The following OSBPL9 variants were observed in gnomAD, a reference collection of about 807,000 sequenced individuals.
OSBPL9 encodes the protein oxysterol-binding protein-related protein 9.
OSBPL9 carries 40 observed loss-of-function variants against 106.6 expected under a neutral mutation model. That is an observed-to-expected ratio of 0.38 (90% CI 0.29 to 0.49). OSBPL9 has a LOEUF of 0.49. OSBPL9 is among the 20% of genes least tolerant of loss of function. The probability of loss-of-function intolerance (pLI) is 0.97; values close to 1 mark genes in which losing one functional copy is unlikely to be tolerated. For synonymous variants in OSBPL9, 269 were observed against 295.4 expected, an observed-to-expected ratio of 0.91 and a Z score of 0.92; for missense variants, 609 against 887.2, an observed-to-expected ratio of 0.69 and a Z score of 3.98.
At chr1:51,610,533 A>G (rs912575833) in intron 2 of OSBPL9, among the ~76,000 whole-genome samples, 1 of 152,224 alleles carries the variant, frequency 6.6e-6, no homozygotes, top group African/African-American at 2.4e-5. Context: ...ATGGGCTGCT[A>G]TGCCCCAGGC....
At chr1:51,773,026 G>A (rs1165284859) in intron 14 of OSBPL9, among the ~76,000 whole-genome samples, 6 of 152,090 alleles carry the variant, frequency 3.9e-5, no homozygotes, top group African/African-American at 9.7e-5. Context: ...AACCACGCAC[G>A]GTCTTCAGTG....
chr1:51,530,170 C>CAAAAAAAAAAAAAAAAA, the OSBPL9 span, among the ~76,000 whole-genome samples: 38 of 11,024 alleles, frequency 3.4e-3, 4 homozygotes, highest in South Asian at 6.8e-3. Flanking sequence ...GACTCTGTCT[C>CAAAAAAAAAAAAAAAAA]AAAAAAAAAA....
chr1:51,763,687 GA>G (rs1003134192), intron 11 of OSBPL9, among the ~76,000 whole-genome samples: 22 of 151,884 alleles, frequency 1.4e-4, no homozygotes, highest in Non-Finnish European at 2.5e-4. Context: ...AATTTTGAAA[GA>G]AAAAAAATAG....
At chr1:51,738,217 A>G (rs1571433572) in intron 4 of OSBPL9, among the ~76,000 whole-genome samples, 1 of 152,094 alleles carries the variant, frequency 6.6e-6, no homozygotes, top group African/African-American at 2.4e-5. Flanking sequence ...GTTTTGTTCT[A>G]TAAGTCAAAG....
At chr1:51,677,497 G>A (rs1001144679) in intron 3 of OSBPL9, among the ~76,000 whole-genome samples, 2 of 152,064 alleles carry the variant, frequency 1.3e-5, no homozygotes, top group South Asian at 2.1e-4. Flanking sequence ...GGGTATGTAT[G>A]TGATTAGTTT....
At chr1:51,695,965 G>T (rs945713927) in intron 3 of OSBPL9, among the ~76,000 whole-genome samples, 1 of 152,200 alleles carries the variant, frequency 6.6e-6, no homozygotes, top group African/African-American at 2.4e-5. Flanking sequence ...CAATCTAACA[G>T]AATGTAGTGG....
At chr1:51,616,921 C>A, upstream of OSBPL9, 1 of 1,004,058 alleles carries the variant, frequency 1.0e-6, no homozygotes, top group Non-Finnish European at 1.4e-6. Flanking sequence ...TTCTCGCATC[C>A]GTGGCATGGA....
the OSBPL9 span, among the ~76,000 whole-genome samples, chr1:51,554,781 A>G: frequency 6.6e-6 from 1 of 152,228 alleles, no homozygotes; most frequent in Non-Finnish European, 1.5e-5. Context: ...CATTTGTAAG[A>G]AGGAAATTGT....
intron 1 of OSBPL9, among the ~76,000 whole-genome samples, chr1:51,641,730 G>C (rs1645804789): frequency 6.6e-6 from 1 of 152,114 alleles, no homozygotes; most frequent in South Asian, 2.1e-4. Context: ...CAACTATTTT[G>C]ATAATGTAAC....
rs1477052971 is a variant in OSBPL9, at chr1:51,760,860, A to T, written c.673+80A>T. ...GGCTGTCATAGCAGTCTTAGCTATT[A>T]CTGTTTATTTTTGATTTTCCTTGTT... On this transcript the variant is annotated intron_variant, in intron 10 of 23. Coordinates refer to ENST00000428468, the MANE Select transcript of OSBPL9 (RefSeq NM_024586.6). The T allele has an allele frequency of 2.8e-6, 4 of 1,449,118 alleles. No individual in the cohort carries two copies. The African/African-American group carries it at 5.7e-5, about 21-fold the overall frequency. 89.8% of individuals were successfully genotyped at this position (1,449,118 alleles called of 1,614,324 possible).
In OSBPL9 at chr1:51,734,244, G is replaced by C. The variant is rs116090876; in HGVS notation, c.319-11292G>C. On this transcript the variant is annotated intron_variant, in intron 4 of 23. Transcript: ENST00000428468. ...CCTTTAGGAACTTGGCTTCTTTGCT[G>C]TATTGACTGAACAACTCGTTTTTCC... Among the ~76,000 whole-genome samples the C allele has an allele frequency of 5.7e-3, 873 of 152,278 alleles. 2 individuals carry two copies. The highest frequency in any genetic ancestry group is 0.02 in the African/African-American group (828 of 41,564).
At chr1:51,519,210 A>G in the OSBPL9 span, 1 of 1,382,494 alleles carries the variant, frequency 7.2e-7, no homozygotes, top group Non-Finnish European at 9.5e-7. Flanking sequence ...TGTGTCAGAG[A>G]GAGCTGGGCC....
chr1:51,619,971 T>C (rs1644326433), intron 1 of OSBPL9, among the ~76,000 whole-genome samples: 1 of 152,182 alleles, frequency 6.6e-6, no homozygotes, highest in Admixed American at 6.5e-5. Flanking sequence ...TGGTTGTTAA[T>C]ATATTCTAGG....
chr1:51,747,944 C>T (rs1210258934), intron 6 of OSBPL9, among the ~76,000 whole-genome samples: 1 of 152,032 alleles, frequency 6.6e-6, no homozygotes, highest in Non-Finnish European at 1.5e-5. Flanking sequence ...TGCCTGCCAC[C>T]ACGCCCAGCT....
intron 4 of OSBPL9, among the ~76,000 whole-genome samples, chr1:51,715,210 AG>A (rs1200745896): frequency 6.6e-6 from 1 of 152,214 alleles, no homozygotes; most frequent in African/African-American, 2.4e-5. Flanking sequence ...TATTCAGTAG[AG>A]GCTTAAAAAA....
At chr1:51,738,579 G>T (rs1666211786) in intron 4 of OSBPL9, among the ~76,000 whole-genome samples, 1 of 151,854 alleles carries the variant, frequency 6.6e-6, no homozygotes. Context: ...TCTCATATTG[G>T]AATATTTTTC....
chr1:51,543,119 A>G, the OSBPL9 span, among the ~76,000 whole-genome samples: 1 of 152,236 alleles, frequency 6.6e-6, no homozygotes, highest in Admixed American at 6.5e-5. Flanking sequence ...TTCTGAAAAC[A>G]TAAGGCCTGG....
chr1:51,542,389 T>C, the OSBPL9 span, among the ~76,000 whole-genome samples: 46 of 152,202 alleles, frequency 3.0e-4, no homozygotes, highest in Non-Finnish European at 4.3e-4. Context: ...AAGGTCTCCT[T>C]TCACTATACA....
intron 20 of OSBPL9, chr1:51,784,827 T>G (rs1015342362): frequency 2.0e-5 from 10 of 510,768 alleles, no homozygotes; most frequent in African/African-American, 1.2e-4. Flanking sequence ...AATGTTGAAC[T>G]AAAAGAGGCC....
Sources: gnomAD v4.1 joint callset for allele counts (sites outside exome capture counted in the v4.1 genomes callset) on GRCh38, gnomAD v4.1.1 for gene constraint, MANE v1.5 for transcripts, NCBI Gene and HGNC (gene_info 2026-07-23, HGNC 2026-07-21) for gene names.